Variants in SLC35F4 observed in about 807,000 individuals in gnomAD.
SLC35F4 encodes the protein chromosome 14 open reading frame 36.
A neutral mutation model predicts 44.2 loss-of-function variants in SLC35F4; 24 were observed. The observed-to-expected ratio is 0.54, with a 90% CI of 0.39 to 0.76. SLC35F4 has a LOEUF of 0.76. SLC35F4 is among the 30% of genes least tolerant of loss of function. The probability of loss-of-function intolerance (pLI) is 0.00; values close to 1 mark genes in which losing one functional copy is unlikely to be tolerated. For synonymous variants in SLC35F4, 238 were observed against 223.6 expected, an observed-to-expected ratio of 1.06 and a Z score of -0.57; for missense variants, 562 against 586.1, an observed-to-expected ratio of 0.96 and a Z score of 0.42.
intron 1 of SLC35F4, among the ~76,000 whole-genome samples, chr14:57,694,725 T>A (rs184878183): frequency 1.5e-4 from 23 of 152,286 alleles, no homozygotes; most frequent in Admixed American, 1.3e-3. Flanking sequence ...CTCTCGATAA[T>A]ATTTTACAGT....
intron 1 of SLC35F4, among the ~76,000 whole-genome samples, chr14:57,745,142 C>A (rs1054690635): frequency 4.1e-4 from 63 of 152,122 alleles, no homozygotes; most frequent in Non-Finnish European, 8.7e-4. Flanking sequence ...GGAAGAAAAC[C>A]TAGGCAATAC....
At chr14:57,766,819 T>A (rs139372405) in intron 1 of SLC35F4, among the ~76,000 whole-genome samples, 14 of 152,338 alleles carry the variant, frequency 9.2e-5, no homozygotes, top group African/African-American at 2.6e-4. Context: ...TAAGCTTTAA[T>A]ATATCAATAA....
intron 1 of SLC35F4, among the ~76,000 whole-genome samples, chr14:57,603,657 G>A (rs558698156): frequency 6.8e-4 from 104 of 152,284 alleles, no homozygotes; most frequent in African/African-American, 2.4e-3. Flanking sequence ...AAATGGCAGC[G>A]TCTCAGCCAG....
At chr14:57,601,759 T>G (rs1409009726) in intron 1 of SLC35F4, among the ~76,000 whole-genome samples, 3 of 152,208 alleles carry the variant, frequency 2.0e-5, no homozygotes, top group Non-Finnish European at 2.9e-5. Context: ...TACCTATTTT[T>G]ACAATGTAAA....
chr14:57,658,520 A>G (rs2074038632), intron 1 of SLC35F4, among the ~76,000 whole-genome samples: 1 of 152,216 alleles, frequency 6.6e-6, no homozygotes, highest in Admixed American at 6.5e-5. Flanking sequence ...TCCTTTAGTG[A>G]AAATGAAACA....
intron 1 of SLC35F4, among the ~76,000 whole-genome samples, chr14:57,821,860 A>G (rs932761624): frequency 2.6e-5 from 4 of 152,212 alleles, no homozygotes; most frequent in African/African-American, 9.6e-5. Context: ...AGGCCAGCAT[A>G]CAGGAAATCC....
At chr14:57,772,969 C>T (rs1169816554) in intron 1 of SLC35F4, among the ~76,000 whole-genome samples, 2 of 152,180 alleles carry the variant, frequency 1.3e-5, no homozygotes, top group African/African-American at 2.4e-5. Context: ...TTACATTCCA[C>T]CAACAACATA....
At chr14:57,850,673 T>G (rs1294025495) in intron 1 of SLC35F4, among the ~76,000 whole-genome samples, 1 of 152,206 alleles carries the variant, frequency 6.6e-6, no homozygotes, top group Non-Finnish European at 1.5e-5. Flanking sequence ...AAACTGCAAG[T>G]TCTTTTGGAA....
At chr14:57,826,115 A>G (rs960698082) in intron 1 of SLC35F4, among the ~76,000 whole-genome samples, 3 of 152,212 alleles carry the variant, frequency 2.0e-5, no homozygotes. Flanking sequence ...TTTAAACTAT[A>G]CTACAATGCT....
chr14:57,689,016 C>A (rs1442477452), intron 1 of SLC35F4, among the ~76,000 whole-genome samples: 1 of 152,012 alleles, frequency 6.6e-6, no homozygotes, highest in East Asian at 1.9e-4. Flanking sequence ...TAGGCAACTG[C>A]AATAAGAAAT....
rs572016513 is a variant in SLC35F4 at position 57,824,545 on chromosome 14, A to C, written c.103+41178T>G. ...ATGATGACAAATGCTTTGGATAAAAACAGGCAGTGAAGGATGATGGAGAGG... is the reference window on the plus strand; with the variant it reads ...ATGATGACAAATGCTTTGGATAAAACCAGGCAGTGAAGGATGATGGAGAGG... On this transcript the variant is annotated intron_variant, in intron 1 of 7. Coordinates refer to ENST00000556826, the MANE Select transcript of SLC35F4 (RefSeq NM_001306087.2). 7.2e-5 allele frequency among the ~76,000 whole-genome samples: 11 copies of C among 152,354 alleles called. No homozygotes were observed. In the South Asian group the frequency reaches 2.3e-3, roughly 32 times the overall value.
At chr14:57,656,522 T>C (rs1439976038) in intron 1 of SLC35F4, among the ~76,000 whole-genome samples, 1 of 152,046 alleles carries the variant, frequency 6.6e-6, no homozygotes, top group Non-Finnish European at 1.5e-5. Context: ...CTATAGGAAC[T>C]CAGAGTTCTA....
chr14:57,598,995 T>C (rs761757198), intron 1 of SLC35F4, among the ~76,000 whole-genome samples: 14 of 152,204 alleles, frequency 9.2e-5, no homozygotes, highest in Non-Finnish European at 1.9e-4. Context: ...AGGATACCAC[T>C]GGCTGTGTCA....
At chr14:57,958,930 T>A (rs965085252) in intron 1 of SLC35F4, among the ~76,000 whole-genome samples, 2 of 152,048 alleles carry the variant, frequency 1.3e-5, no homozygotes, top group African/African-American at 4.8e-5. Flanking sequence ...TTCCAAATGC[T>A]CTGGAGGAGA....
intron 1 of SLC35F4, among the ~76,000 whole-genome samples, chr14:57,830,930 A>C (rs1884303881): frequency 1.3e-5 from 2 of 152,170 alleles, no homozygotes; most frequent in South Asian, 4.1e-4. Context: ...GTTCAACAGC[A>C]CTTGTATAGA....
At chr14:57,860,194 T>TG (rs768444277) in intron 1 of SLC35F4, among the ~76,000 whole-genome samples, 52 of 152,066 alleles carry the variant, frequency 3.4e-4, no homozygotes, top group Non-Finnish European at 5.7e-4. Context: ...CTTTTTGAAA[T>TG]GGGGATGATA....
intron 1 of SLC35F4, among the ~76,000 whole-genome samples, chr14:57,754,990 T>C (rs2076963382): frequency 6.6e-6 from 1 of 152,098 alleles, no homozygotes; most frequent in African/African-American, 2.4e-5. Context: ...GTCTGCCCCT[T>C]CTCAAAGGGA....
At chr14:57,685,207 C>T (rs192845257) in intron 1 of SLC35F4, among the ~76,000 whole-genome samples, 270 of 152,160 alleles carry the variant, frequency 1.8e-3, no homozygotes, top group Non-Finnish European at 3.1e-3. Context: ...TGAATCAGAC[C>T]TTTAGGCCTC....
chr14:57,892,655 CT>C (rs35191220), intron 1 of SLC35F4, among the ~76,000 whole-genome samples: 1 of 151,940 alleles, frequency 6.6e-6, no homozygotes, highest in African/African-American at 2.4e-5. Flanking sequence ...ATGGATTATA[CT>C]TTTTTTTGTT....
Sources: allele counts gnomAD v4.1 joint callset (sites outside exome capture counted in the v4.1 genomes callset), GRCh38; gene constraint gnomAD v4.1.1; transcripts MANE v1.5; gene names NCBI Gene and HGNC (gene_info 2026-07-23, HGNC 2026-07-21).